Variants in ROR1 observed in about 807,000 individuals in gnomAD.
ROR1 encodes ROR family WNT receptor 1, also known as inactive tyrosine-protein kinase transmembrane receptor ROR1.
ROR1 carries 19 observed loss-of-function variants against 78.8 expected under a neutral mutation model. That is an observed-to-expected ratio of 0.24 (90% confidence interval 0.17 to 0.35). The LOEUF is 0.35. Ranked by LOEUF, ROR1 falls within the 10% of genes least tolerant of loss-of-function variation. The probability of loss-of-function intolerance (pLI) is 1.00; values close to 1 mark genes in which losing one functional copy is unlikely to be tolerated. For missense variants in ROR1, 917 were observed against 1,177.8 expected (o/e 0.78, Z 3.24); for synonymous variants, 386 against 433.6 (o/e 0.89, Z 1.36).
chr1:64,027,198 A>G (rs1367892662), intron 2 of ROR1, among the ~76,000 whole-genome samples: 1 of 152,168 alleles, frequency 6.6e-6, no homozygotes, highest in East Asian at 1.9e-4. Context: ...TTTCATTATG[A>G]TGTTATTGCC....
At chr1:63,988,250 C>G (rs1646267321) in intron 1 of ROR1, among the ~76,000 whole-genome samples, 1 of 152,162 alleles carries the variant, frequency 6.6e-6, no homozygotes, top group African/African-American at 2.4e-5. Flanking sequence ...AAAAGGTAGT[C>G]TGTATTTTTA....
chr1:64,134,104 C>A (rs12142799), intron 4 of ROR1, among the ~76,000 whole-genome samples: 4 of 152,142 alleles, frequency 2.6e-5, no homozygotes, highest in Non-Finnish European at 2.9e-5. Context: ...CTATTTAGAG[C>A]AAATCTAGCT....
intron 1 of ROR1, among the ~76,000 whole-genome samples, chr1:63,859,959 T>C (rs908457148): frequency 2.0e-5 from 3 of 152,174 alleles, no homozygotes; most frequent in Non-Finnish European, 1.5e-5. Context: ...CTTGTTAATA[T>C]CTGTATTTTA....
chr1:64,064,711 A>T (rs1461526946), intron 4 of ROR1, among the ~76,000 whole-genome samples: 1 of 152,172 alleles, frequency 6.6e-6, no homozygotes, highest in African/African-American at 2.4e-5. Flanking sequence ...GGATTGTGGA[A>T]CTGAGGCCTG....
intron 1 of ROR1, among the ~76,000 whole-genome samples, chr1:63,898,290 T>C (rs1297411294): frequency 7.0e-6 from 1 of 142,832 alleles, no homozygotes; most frequent in Admixed American, 7.4e-5. Context: ...GTACAGCAGG[T>C]AAATAGATGT....
At chr1:63,925,771 T>G (rs1334184709) in intron 1 of ROR1, among the ~76,000 whole-genome samples, 2 of 151,086 alleles carry the variant, frequency 1.3e-5, no homozygotes, top group Non-Finnish European at 3.0e-5. Context: ...CCAGTGATGA[T>G]GAGCATTTTT....
chr1:64,095,605 G>A (rs1557649340), intron 4 of ROR1, among the ~76,000 whole-genome samples: 2 of 152,118 alleles, frequency 1.3e-5, no homozygotes, highest in African/African-American at 4.8e-5. Context: ...ACAGAGCTGT[G>A]TTCACTTTGC....
chr1:63,969,149 T>C (rs887693925), intron 1 of ROR1, among the ~76,000 whole-genome samples: 1 of 152,120 alleles, frequency 6.6e-6, no homozygotes, highest in African/African-American at 2.4e-5. Context: ...TCACAAAATA[T>C]TTACTGAGTT....
At chr1:63,846,117 AATGTGTGTGTGTGTGTGT>A (rs1329286465) in intron 1 of ROR1, among the ~76,000 whole-genome samples, 14 of 91,642 alleles carry the variant, frequency 1.5e-4, no homozygotes, top group African/African-American at 5.1e-4. Flanking sequence ...AGAGAGAGAG[AATGTGTGTGTGTGTGTGT>A]GTGTGTGTGT....
Position 64,142,418 on chromosome 1 carries a change from T to C in ROR1, c.942T>C (p.Tyr314=), listed in dbSNP as rs1348476160. The C allele has an allele frequency of 2.5e-6, 4 of 1,614,092 alleles. No homozygotes were observed. The highest frequency in any genetic ancestry group is 3.4e-6 in the Non-Finnish European group (4 of 1,180,004). ...ADPINKNHKC[Y]NSTGVDYRGT... is the part of the protein sequence containing the mutation. ...TGTGTTTTTCAGATCACAAGTGTTA[T>C]AACAGCACAGGTGTGGACTACCGGG... is the stretch of plus-strand genomic sequence containing the variant. The change falls in exon 7 of 9, where the codon TAT becomes TAC. Residue 314 remains tyrosine, a synonymous_variant. Transcript: ENST00000371079.
intron 1 of ROR1, among the ~76,000 whole-genome samples, chr1:63,888,916 A>T (rs539340401): frequency 6.6e-6 from 1 of 152,242 alleles, no homozygotes; most frequent in East Asian, 1.9e-4. Flanking sequence ...AGCAGGTTAA[A>T]CCCATAAAAG....
At chr1:63,905,937 G>A (rs1051843964) in intron 1 of ROR1, among the ~76,000 whole-genome samples, 1 of 152,042 alleles carries the variant, frequency 6.6e-6, no homozygotes, top group Non-Finnish European at 1.5e-5. Flanking sequence ...TGAGGTTATT[G>A]GGACTTCATA....
chr1:63,975,091 A>C (rs1403265046), intron 1 of ROR1, among the ~76,000 whole-genome samples: 1 of 152,192 alleles, frequency 6.6e-6, no homozygotes, highest in Non-Finnish European at 1.5e-5. Context: ...ACTTTTGCCC[A>C]GTAGGCAATT....
At chr1:63,950,821 C>G (rs2100469745) in intron 1 of ROR1, among the ~76,000 whole-genome samples, 1 of 152,292 alleles carries the variant, frequency 6.6e-6, no homozygotes, top group East Asian at 1.9e-4. Context: ...GAGAGATTCC[C>G]TGCAAGAGTT....
chr1:64,105,518 G>C (rs1315185512), intron 4 of ROR1: 1 of 152,104 alleles, frequency 6.6e-6, no homozygotes, highest in African/African-American at 2.4e-5. Context: ...TTTTCATTAT[G>C]AAGTCTTTGC....
intron 1 of ROR1, among the ~76,000 whole-genome samples, chr1:63,898,482 A>C (rs1352518174): frequency 1.3e-5 from 2 of 151,584 alleles, no homozygotes; most frequent in African/African-American, 4.9e-5. Context: ...CCAGGATGGT[A>C]GGTGTTCAAG....
intron 1 of ROR1, among the ~76,000 whole-genome samples, chr1:63,907,592 T>A (rs1645539074): frequency 6.6e-6 from 1 of 152,226 alleles, no homozygotes; most frequent in African/African-American, 2.4e-5. Context: ...TTTAGAGCTA[T>A]AGTCCCTTCT....
chr1:63,794,241 G>A (rs547557067), intron 1 of ROR1, among the ~76,000 whole-genome samples: 8 of 152,278 alleles, frequency 5.3e-5, no homozygotes, highest in Admixed American at 2.0e-4. Flanking sequence ...AAAAATTGGG[G>A]TACTAATCAT....
At chr1:63,842,946 T>C (rs1645057890) in intron 1 of ROR1, among the ~76,000 whole-genome samples, 4 of 151,816 alleles carry the variant, frequency 2.6e-5, no homozygotes, top group Admixed American at 2.6e-4. Context: ...GGGAATTTGG[T>C]TTGCTTCAAC....
Sources: allele counts gnomAD v4.1 joint callset (sites outside exome capture counted in the v4.1 genomes callset), GRCh38; gene constraint gnomAD v4.1.1; transcripts MANE v1.5; gene names NCBI Gene and HGNC (gene_info 2026-07-23, HGNC 2026-07-21).